CSMD1: variants seen among roughly 807,000 people sequenced by gnomAD.
CSMD1 encodes the protein CUB and sushi domain-containing protein 1.
A neutral mutation model predicts 417.5 loss-of-function variants in CSMD1; 213 were observed. That is an observed-to-expected ratio of 0.51 (90% CI 0.46 to 0.57). The LOEUF (loss-of-function observed/expected upper bound fraction) is 0.57, where lower values mean the gene tolerates loss of function less well. CSMD1 is among the 20% of genes least tolerant of loss of function. The pLI is 0.00. For synonymous variants in CSMD1, 2,862 were observed against 1,736.8 expected, an observed-to-expected ratio of 1.65 and a Z score of -16.11; for missense variants, 6,923 against 4,529.7, an observed-to-expected ratio of 1.53 and a Z score of -15.17.
At chr8:4,308,353 C>T (rs545829855) in intron 3 of CSMD1, among the ~76,000 whole-genome samples, 58 of 151,726 alleles carry the variant, frequency 3.8e-4, no homozygotes, top group African/African-American at 1.3e-3. Flanking sequence ...GGTGCGTGTG[C>T]ACTGTGTGTA....
chr8:4,961,916 T>C, intron 1 of CSMD1, among the ~76,000 whole-genome samples: 1 of 152,044 alleles, frequency 6.6e-6, no homozygotes, highest in East Asian at 1.9e-4. Flanking sequence ...TTCCAATCTA[T>C]TATTTTATTC....
chr8:4,157,956 G>A (rs1380494104), intron 3 of CSMD1, among the ~76,000 whole-genome samples: 1 of 152,184 alleles, frequency 6.6e-6, no homozygotes, highest in African/African-American at 2.4e-5. Context: ...ACATCTTTTA[G>A]CAACGTATGC....
chr8:4,305,171 C>G (rs1048652609), intron 3 of CSMD1, among the ~76,000 whole-genome samples: 2 of 152,114 alleles, frequency 1.3e-5, no homozygotes, highest in Non-Finnish European at 2.9e-5. Flanking sequence ...AGTTTTTAAC[C>G]CAATTACATC....
intron 7 of CSMD1, among the ~76,000 whole-genome samples, chr8:3,682,894 A>G (rs757326923): frequency 1.8e-4 from 28 of 152,260 alleles, no homozygotes; most frequent in Non-Finnish European, 3.5e-4. Context: ...CATTTGTAGA[A>G]ACATGGATGA....
At chr8:3,157,089 G>C (rs1819583415) in intron 39 of CSMD1, among the ~76,000 whole-genome samples, 1 of 152,064 alleles carries the variant, frequency 6.6e-6, no homozygotes. Context: ...ATCACTTTGT[G>C]GGTTGCGGGT....
rs60411612 is a variant in CSMD1, at chr8:4,042,815, T to TAAAAAAAAAAAAAAAAAAAAAAAAAA, written c.416-10742_416-10717dup. Among the ~76,000 whole-genome samples, 5 of 41,312 alleles carry TAAAAAAAAAAAAAAAAAAAAAAAAAA rather than the reference T, an allele frequency of 1.2e-4. 1 individual carries two copies. The highest frequency in any genetic ancestry group is 3.9e-4 in the African/African-American group (4 of 10,346). 27.1% of individuals were successfully genotyped at this position (41,312 alleles called of 152,430 possible). On this transcript the variant is annotated intron_variant, in intron 3 of 69. Transcript: ENST00000635120. ...CAATAGGTGAAGTGGTACAACATAT[T>TAAAAAAAAAAAAAAAAAAAAAAAAAA]AAAAAAAAAAAAAAAAAAAAAAAAA...
chr8:4,460,853 G>C (rs1226532745), intron 2 of CSMD1, among the ~76,000 whole-genome samples: 1 of 152,084 alleles, frequency 6.6e-6, no homozygotes, highest in Non-Finnish European at 1.5e-5. Flanking sequence ...ATTGAGAGTA[G>C]AATTATTGTC....
chr8:4,646,226 T>G (rs555443066), intron 1 of CSMD1, among the ~76,000 whole-genome samples: 1 of 152,324 alleles, frequency 6.6e-6, no homozygotes, highest in African/African-American at 2.4e-5. Flanking sequence ...CTAATCTTTT[T>G]ATTATATTTA....
At chr8:4,653,123 G>A (rs952233671) in intron 1 of CSMD1, among the ~76,000 whole-genome samples, 2 of 152,098 alleles carry the variant, frequency 1.3e-5, no homozygotes, top group African/African-American at 4.8e-5. Flanking sequence ...CCCAGCCACA[G>A]ATTCAGCCCA....
intron 1 of CSMD1, among the ~76,000 whole-genome samples, chr8:4,820,402 G>A (rs1259090075): frequency 1.3e-5 from 2 of 152,074 alleles, no homozygotes; most frequent in African/African-American, 4.8e-5. Context: ...AGCTTGCTTG[G>A]CAATTAAAAT....
intron 3 of CSMD1, among the ~76,000 whole-genome samples, chr8:4,158,435 A>C (rs1796959009): frequency 6.6e-6 from 1 of 152,170 alleles, no homozygotes; most frequent in Non-Finnish European, 1.5e-5. Flanking sequence ...AAACAAACAA[A>C]AAAAAATCAA....
intron 4 of CSMD1, 58 bp downstream of exon 4, chr8:4,031,847 C>T: frequency 7.5e-7 from 1 of 1,337,852 alleles, no homozygotes; most frequent in Non-Finnish European, 1.0e-6. Flanking sequence ...ATAAAAGCAT[C>T]TCCAAAACCA....
chr8:4,890,629 C>T (rs1804053774), intron 1 of CSMD1, among the ~76,000 whole-genome samples: 1 of 151,996 alleles, frequency 6.6e-6, no homozygotes, highest in African/African-American at 2.4e-5. Flanking sequence ...CAGGTCCTCA[C>T]AGCCATGGGC....
chr8:4,102,403 T>A (rs1042731638), intron 3 of CSMD1, among the ~76,000 whole-genome samples: 6 of 152,194 alleles, frequency 3.9e-5, no homozygotes, highest in Non-Finnish European at 8.8e-5. Flanking sequence ...TTAACCCCTC[T>A]GGAGAATATT....
At chr8:3,606,019 C>A (rs377048611) in intron 8 of CSMD1, among the ~76,000 whole-genome samples, 3 of 152,074 alleles carry the variant, frequency 2.0e-5, no homozygotes, top group African/African-American at 7.2e-5. Flanking sequence ...AAGGCGTCTC[C>A]CCTTTCCTAC....
intron 49 of CSMD1, among the ~76,000 whole-genome samples, chr8:3,079,174 A>T (rs879427917): frequency 1.3e-5 from 2 of 152,212 alleles, no homozygotes; most frequent in African/African-American, 2.4e-5. Flanking sequence ...GATTTAAGCA[A>T]GGGCAACTGG....
At chr8:3,201,574 T>C in intron 32 of CSMD1, 38 bp downstream of exon 32, 1 of 1,176,586 alleles carries the variant, frequency 8.5e-7, no homozygotes, top group Non-Finnish European at 1.2e-6. Context: ...CCCCTAGCTG[T>C]CTGAACTAAA....
intron 49 of CSMD1, among the ~76,000 whole-genome samples, chr8:3,078,952 G>T (rs1305119885): frequency 3.3e-5 from 5 of 150,898 alleles, no homozygotes; most frequent in Admixed American, 3.3e-4. Context: ...CAACATTTGC[G>T]TTTAGTCCTT....
chr8:3,249,012 G>C (rs1480891700), intron 26 of CSMD1, among the ~76,000 whole-genome samples: 1 of 152,104 alleles, frequency 6.6e-6, no homozygotes, highest in Admixed American at 6.6e-5. Context: ...CTCAGATGCT[G>C]TAATTGTCCT....
Sources: gnomAD v4.1 joint callset for allele counts (sites outside exome capture counted in the v4.1 genomes callset) on GRCh38, gnomAD v4.1.1 for gene constraint, MANE v1.5 for transcripts, NCBI Gene and HGNC (gene_info 2026-07-23, HGNC 2026-07-21) for gene names.